RBFOX1: variants seen among roughly 807,000 people sequenced by gnomAD.
The protein encoded by RBFOX1 is RNA binding protein fox-1 homolog 1.
A neutral mutation model predicts 57.7 loss-of-function variants in RBFOX1; 8 were observed. That is an observed-to-expected ratio of 0.14 (90% CI 0.08 to 0.25). The LOEUF (loss-of-function observed/expected upper bound fraction) is 0.25. Ranked by LOEUF, RBFOX1 falls within the 10% of genes least tolerant of loss-of-function variation. The pLI is 1.00. For synonymous variants in RBFOX1, 326 were observed against 222.4 expected (o/e 1.47, Z -4.15); for missense variants, 611 against 548.5 (o/e 1.11, Z -1.14).
chr16:6,587,449 T>A (rs1184035754), intron 2 of RBFOX1, among the ~76,000 whole-genome samples: 1 of 152,060 alleles, frequency 6.6e-6, no homozygotes. Flanking sequence ...GCCTGGCTAA[T>A]TTTTGTATTT....
chr16:6,446,018 G>A (rs529877060), intron 2 of RBFOX1, among the ~76,000 whole-genome samples: 18 of 151,904 alleles, frequency 1.2e-4, no homozygotes, highest in South Asian at 2.1e-4. Context: ...AGACTGGAGC[G>A]CACTGGCGTG....
chr16:6,797,310 C>T (rs986373628), intron 3 of RBFOX1, among the ~76,000 whole-genome samples: 2 of 152,120 alleles, frequency 1.3e-5, no homozygotes, highest in Non-Finnish European at 2.9e-5. Context: ...TACAAAGTTA[C>T]CGTTTCAGAG....
At position 6,646,552 on chromosome 16, in the gene RBFOX1, C is replaced by A. The variant is rs191993555; in HGVS notation, c.-63-8051C>A. On this transcript the variant is annotated intron_variant, in intron 2 of 15. Transcript: ENST00000550418. ...TCGTTAGTTCGTTGATTAACACCTG[C>A]CACTTCTGTGTGGGTAAATCATAAT... Among the ~76,000 whole-genome samples the A allele has an allele frequency of 2.6e-5, 4 of 152,188 alleles. No homozygotes were observed. In the East Asian group the frequency reaches 7.7e-4, roughly 29 times the overall value.
intron 1 of RBFOX1, among the ~76,000 whole-genome samples, chr16:6,272,102 A>C (rs1441796989): frequency 2.6e-5 from 4 of 152,190 alleles, no homozygotes; most frequent in Non-Finnish European, 5.9e-5. Context: ...TACCTTGATC[A>C]CATAGGGTTT....
At chr16:7,445,454 A>G (rs1015407347) in intron 4 of RBFOX1, among the ~76,000 whole-genome samples, 3 of 152,168 alleles carry the variant, frequency 2.0e-5, no homozygotes, top group African/African-American at 7.2e-5. Context: ...AACTAGGACA[A>G]GCTTTTGAAA....
At chr16:7,670,494 G>A (rs2071039871) in intron 13 of RBFOX1, among the ~76,000 whole-genome samples, 1 of 152,162 alleles carries the variant, frequency 6.6e-6, no homozygotes, top group Non-Finnish European at 1.5e-5. Flanking sequence ...GAAAAGTACG[G>A]TGAAAGATGG....
At chr16:6,666,236 T>C (rs2098731806) in intron 3 of RBFOX1, among the ~76,000 whole-genome samples, 1 of 152,012 alleles carries the variant, frequency 6.6e-6, no homozygotes, top group Non-Finnish European at 1.5e-5. Flanking sequence ...CAGGAGGAGT[T>C]GAAGAATGTG....
chr16:5,635,738 AT>A (rs2151315876), intron 3 of RBFOX1, among the ~76,000 whole-genome samples: 1 of 152,196 alleles, frequency 6.6e-6, no homozygotes, highest in South Asian at 2.1e-4. Context: ...TCTTGGGTGC[AT>A]TTGTAAATAC....
chr16:6,900,517 C>G (rs764914048), intron 3 of RBFOX1, among the ~76,000 whole-genome samples: 1 of 152,188 alleles, frequency 6.6e-6, no homozygotes, highest in African/African-American at 2.4e-5. Context: ...ATGGTCTGGC[C>G]CTGCCCTTCT....
At chr16:6,845,147 A>G (rs1327853929) in intron 3 of RBFOX1, among the ~76,000 whole-genome samples, 2 of 78,036 alleles carry the variant, frequency 2.6e-5, no homozygotes, top group Admixed American at 1.6e-4. Context: ...TCACTCTGGT[A>G]GTTTCTTTTT....
At chr16:5,529,041 TC>T (rs2044357281) in intron 2 of RBFOX1, among the ~76,000 whole-genome samples, 1 of 152,080 alleles carries the variant, frequency 6.6e-6, no homozygotes, top group Non-Finnish European at 1.5e-5. Context: ...TTCTTGGACC[TC>T]CTGCTTGTGC....
chr16:6,632,623 G>T (rs531270790), intron 2 of RBFOX1, among the ~76,000 whole-genome samples: 1 of 152,286 alleles, frequency 6.6e-6, no homozygotes, highest in African/African-American at 2.4e-5. Flanking sequence ...CTGGCCATGG[G>T]TGTTTTGCTT....
chr16:6,565,338 C>T (rs889751523), intron 2 of RBFOX1, among the ~76,000 whole-genome samples: 4 of 151,946 alleles, frequency 2.6e-5, no homozygotes, highest in Admixed American at 2.0e-4. Context: ...CTCACTGCAA[C>T]CTCCATCTCC....
chr16:6,251,551 C>G (rs1598823829), intron 1 of RBFOX1, among the ~76,000 whole-genome samples: 1 of 151,990 alleles, frequency 6.6e-6, no homozygotes, highest in East Asian at 1.9e-4. Flanking sequence ...GAAAAATATA[C>G]TGCTTTGCTA....
At chr16:5,556,340 T>G (rs1159493052) in intron 2 of RBFOX1, among the ~76,000 whole-genome samples, 2 of 152,200 alleles carry the variant, frequency 1.3e-5, no homozygotes, top group African/African-American at 4.8e-5. Context: ...GGGCCTTGCC[T>G]ACCCTCCCCG....
At chr16:6,102,815 A>G (rs57800522) in intron 1 of RBFOX1, among the ~76,000 whole-genome samples, 8,683 of 152,170 alleles carry the variant, frequency 0.057, 775 homozygotes, top group African/African-American at 0.2. Context: ...TTATTATAGA[A>G]TATGCTCATC....
chr16:7,092,986 G>T (rs944650594), intron 4 of RBFOX1, among the ~76,000 whole-genome samples: 2 of 152,196 alleles, frequency 1.3e-5, no homozygotes, highest in Non-Finnish European at 2.9e-5. Context: ...GCTGGAAATT[G>T]CCTCTGGCAG....
intron 2 of RBFOX1, among the ~76,000 whole-genome samples, chr16:5,475,848 G>A (rs995424878): frequency 2.0e-5 from 3 of 152,042 alleles, no homozygotes; most frequent in Non-Finnish European, 2.9e-5. Flanking sequence ...TATCCAGGCC[G>A]AAGTGCAAGT....
chr16:6,518,714 C>A (rs11866624), intron 2 of RBFOX1, among the ~76,000 whole-genome samples: 4,453 of 151,940 alleles, frequency 0.029, 227 homozygotes, highest in African/African-American at 0.1. Flanking sequence ...TCCATCCGTC[C>A]GTCCGTCCAT....
Sources: allele counts gnomAD v4.1 joint callset (sites outside exome capture counted in the v4.1 genomes callset), GRCh38; gene constraint gnomAD v4.1.1; transcripts MANE v1.5; gene names NCBI Gene and HGNC (gene_info 2026-07-23, HGNC 2026-07-21).